LRRIQ1: variants seen among roughly 807,000 people sequenced by gnomAD.
LRRIQ1 encodes leucine-rich repeat- and IQ domain-containing protein 1.
LRRIQ1 carries 210 observed loss-of-function variants against 211.9 expected under a neutral mutation model. The observed-to-expected ratio is 0.99, with a 90% CI of 0.89 to 1.11. The LOEUF is 1.11. Ranked by LOEUF, LRRIQ1 falls within the 50% of genes most tolerant of loss-of-function variation. The pLI is 0.00. For missense variants in LRRIQ1, 2,136 were observed against 1,939.5 expected (o/e 1.10, Z -1.90); for synonymous variants, 699 against 650.1 (o/e 1.08, Z -1.14).
chr12:85,044,719 C>T lies in LRRIQ1; in HGVS notation c.246C>T (p.Ser82=). Reference sequence around the variant, plus strand: ...TATATACATTTTTTCTTTCTCTAGGCTGTAGTTATGGAGCAGTTTCTAATA... The same window carrying T: ...TATATACATTTTTTCTTTCTCTAGGTTGTAGTTATGGAGCAGTTTCTAATA... ...LQDLEDTDIL[S]CSYGAVSNNH... is the part of the protein sequence containing the mutation. The change falls in exon 4 of 27, where the codon AGC becomes AGT. Residue 82 remains serine (S), a splice_region_variant and synonymous_variant. Coordinates refer to ENST00000393217, the MANE Select transcript of LRRIQ1 (RefSeq NM_001079910.2). 1 of 1,494,384 alleles carries T rather than the reference C, an allele frequency of 6.7e-7. No individual in the cohort carries two copies. Among genetic ancestry groups the T allele is most frequent in the Non-Finnish European group, 9.3e-7 (1 of 1,079,880 alleles). 92.6% of individuals were successfully genotyped at this position (1,494,384 alleles called of 1,614,324 possible).
chr12:85,217,508 A>ATATG lies in LRRIQ1; in HGVS notation c.4823-12008_4823-12007insATGT, dbSNP rs1216212048. ...TATATATATGTATATATATATATAT[A>ATATG]TGTGTGTGTGTGTGTGTGTGTGTGT... On this transcript the variant is annotated intron_variant, in intron 24 of 26. Coordinates refer to ENST00000393217, the MANE Select transcript of LRRIQ1 (RefSeq NM_001079910.2). 8.0e-3 allele frequency among the ~76,000 whole-genome samples: 514 copies of ATATG among 64,250 alleles called. 4 individuals carry two copies. Among genetic ancestry groups the ATATG allele is most frequent in the Non-Finnish European group, 9.5e-3 (376 of 39,494 alleles). The allele number at this position is 64,250 out of a possible 152,430, so 42.2% of individuals were successfully genotyped here.
Position 85,056,148 on chromosome 12 carries a change from A to C in LRRIQ1, c.1355A>C (p.Asp452Ala). Reference sequence around the variant, plus strand: ...GAATCAAATATGAAAGAAAATGTAGATAGACAGACTATATTAAAAGAATCA... The same window carrying C: ...GAATCAAATATGAAAGAAAATGTAGCTAGACAGACTATATTAAAAGAATCA... ...VEESNMKENV[D>A]RQTILKESIQ... The change falls in exon 8 of 27, where the codon GAT (aspartate) becomes GCT (alanine). Residue 452 changes from aspartate to alanine, a missense_variant. Asp to Ala is a moderately radical substitution (Grantham distance 126, BLOSUM62 -2). Coordinates refer to ENST00000393217, the MANE Select transcript of LRRIQ1 (RefSeq NM_001079910.2). The C allele has an allele frequency of 6.3e-7, 1 of 1,599,392 alleles. No homozygotes were observed. Among genetic ancestry groups the C allele is most frequent in the Admixed American group, 1.8e-5 (1 of 56,556 alleles).
chr12:85,131,781 A>G (rs571772362), intron 18 of LRRIQ1, among the ~76,000 whole-genome samples: 1 of 152,130 alleles, frequency 6.6e-6, no homozygotes, highest in Non-Finnish European at 1.5e-5. Context: ...GATGTTAGAT[A>G]TGTCCAGTAG....
intron 2 of LRRIQ1, among the ~76,000 whole-genome samples, 185 bp downstream of exon 2, chr12:85,038,493 A>G (rs1469936452): frequency 2.0e-5 from 3 of 151,678 alleles, no homozygotes; most frequent in Non-Finnish European, 3.0e-5. Context: ...GATTATCATT[A>G]TATATATTTA....
chr12:85,197,765 A>G (rs1412985605), intron 24 of LRRIQ1, among the ~76,000 whole-genome samples: 1 of 150,502 alleles, frequency 6.6e-6, no homozygotes, highest in African/African-American at 2.4e-5. Context: ...CCAGCATGGC[A>G]CATGTATACA....
intron 26 of LRRIQ1, among the ~76,000 whole-genome samples, chr12:85,242,572 C>T (rs996405225): frequency 6.6e-6 from 1 of 151,872 alleles, no homozygotes; most frequent in African/African-American, 2.4e-5. Flanking sequence ...ACTGTATATA[C>T]AATTTACATG....
chr12:85,174,463 A>C (rs941517136), intron 24 of LRRIQ1, among the ~76,000 whole-genome samples: 1 of 151,780 alleles, frequency 6.6e-6, no homozygotes, highest in Non-Finnish European at 1.5e-5. Context: ...TGGGAGGCCA[A>C]GGTGGGCAGA....
intron 15 of LRRIQ1, among the ~76,000 whole-genome samples, chr12:85,119,316 C>T (rs2136408305): frequency 6.6e-6 from 1 of 152,180 alleles, no homozygotes; most frequent in South Asian, 2.1e-4. Context: ...TAACTTTTCT[C>T]CACCTCTTTT....
intron 14 of LRRIQ1, among the ~76,000 whole-genome samples, 175 bp downstream of exon 14, chr12:85,104,252 T>C (rs1329883862): frequency 1.3e-5 from 2 of 152,126 alleles, no homozygotes; most frequent in Admixed American, 6.5e-5. Context: ...TACAGTCATA[T>C]TACTTCCACA....
Position 85,153,045 on chromosome 12 carries a change from G to T in LRRIQ1, c.4441G>T (p.Asp1481Tyr). Residue 1481 changes from aspartate (D) to tyrosine (Y), a missense_variant, in exon 21 of 27, where the codon GAT becomes TAT. Physicochemically the swap from Asp to Tyr is radical, Grantham distance 160. Coordinates refer to ENST00000393217, the MANE Select transcript of LRRIQ1 (RefSeq NM_001079910.2). Reference sequence around the variant, plus strand: ...AAAGATTCCTGGAAACTTAAAATGGGATGATACTTCATTTAATTTACCAAG... The same window carrying T: ...AAAGATTCCTGGAAACTTAAAATGGTATGATACTTCATTTAATTTACCAAG... ...WPKIPGNLKW[D>Y]DTSFNLPSNP... 6.4e-7 allele frequency: 1 copy of T among 1,566,332 alleles called. No homozygotes were observed. Among genetic ancestry groups the T allele is most frequent in the South Asian group, 1.2e-5 (1 of 84,078 alleles).
intron 14 of LRRIQ1, among the ~76,000 whole-genome samples, 172 bp downstream of exon 14, chr12:85,104,249 ATAT>A (rs1886611188): frequency 6.6e-6 from 1 of 151,980 alleles, no homozygotes; most frequent in Non-Finnish European, 1.5e-5. Flanking sequence ...TTTTACAGTC[ATAT>A]TACTTCCACA....
rs1204660046 is a variant in LRRIQ1, at chr12:85,038,322, T to A, written c.132+14T>A. The A allele has an allele frequency of 6.8e-7, 1 of 1,468,532 alleles. No homozygotes were observed. Among genetic ancestry groups the A allele is most frequent in the African/African-American group, 1.4e-5 (1 of 70,098 alleles). The allele number at this position is 1,468,532 out of a possible 1,614,324, so 91.0% of individuals were successfully genotyped here. On this transcript the variant is annotated intron_variant, in intron 2 of 26. Transcript: ENST00000393217. Reference sequence around the variant, plus strand: ...GATAGTGATACAGTGAGTATTGCACTTTTGAGCCTTTTAACAGGAGTAGGC... The same window carrying A: ...GATAGTGATACAGTGAGTATTGCACATTTGAGCCTTTTAACAGGAGTAGGC...
chr12:85,192,455 TATAATATAATTATATATAAATATATATA>T (rs1892578922), intron 24 of LRRIQ1, among the ~76,000 whole-genome samples: 1 of 122,420 alleles, frequency 8.2e-6, no homozygotes, highest in Admixed American at 1.0e-4. Flanking sequence ...TATATAGTTA[TATAATATAATTATATATAAATATATATA>T]GTTATATAAT....
intron 24 of LRRIQ1, among the ~76,000 whole-genome samples, chr12:85,219,645 G>A (rs772746528): frequency 9.9e-5 from 15 of 151,848 alleles, no homozygotes; most frequent in Non-Finnish European, 1.9e-4. Flanking sequence ...AGTGACTGGT[G>A]CTAATGTTAG....
At chr12:85,208,435 TA>T (rs934712730) in intron 24 of LRRIQ1, among the ~76,000 whole-genome samples, 2 of 151,852 alleles carry the variant, frequency 1.3e-5, no homozygotes, top group East Asian at 1.9e-4. Flanking sequence ...ATAAATTAAC[TA>T]AAAAAATAAG....
chr12:85,096,549 T>A (rs1885894693), intron 11 of LRRIQ1, among the ~76,000 whole-genome samples: 1 of 152,166 alleles, frequency 6.6e-6, no homozygotes, highest in Admixed American at 6.6e-5. Flanking sequence ...CTGTGTGTTT[T>A]AATTCATTCA....
At chr12:85,077,721 C>T (rs908103796) in intron 11 of LRRIQ1, among the ~76,000 whole-genome samples, 4 of 152,098 alleles carry the variant, frequency 2.6e-5, no homozygotes, top group Non-Finnish European at 4.4e-5. Flanking sequence ...CCTGTATTCA[C>T]AGCACTTTGG....
intron 25 of LRRIQ1, among the ~76,000 whole-genome samples, chr12:85,230,365 C>T (rs1442783268): frequency 1.3e-5 from 2 of 152,166 alleles, no homozygotes; most frequent in African/African-American, 4.8e-5. Context: ...TCTTTGGAGA[C>T]CTTCTCCTTT....
chr12:85,149,970 A>G (rs1197265698), intron 19 of LRRIQ1, among the ~76,000 whole-genome samples: 1 of 151,820 alleles, frequency 6.6e-6, no homozygotes, highest in Non-Finnish European at 1.5e-5. Flanking sequence ...TTTCCAAGGA[A>G]GAGCACTCTA....
Sources: gnomAD v4.1 joint callset for allele counts (sites outside exome capture counted in the v4.1 genomes callset) on GRCh38, gnomAD v4.1.1 for gene constraint, MANE v1.5 for transcripts, NCBI Gene and HGNC (gene_info 2026-07-23, HGNC 2026-07-21) for gene names.